Variants in DDX10 observed in about 807,000 individuals in gnomAD.
The protein encoded by DDX10 is probable ATP-dependent RNA helicase DDX10.
A neutral mutation model predicts 104.3 loss-of-function variants in DDX10; 74 were observed. That is an observed-to-expected ratio of 0.71 (90% CI 0.59 to 0.86). The LOEUF (loss-of-function observed/expected upper bound fraction) is 0.86, where lower values mean the gene tolerates loss of function less well. Among genes scored for constraint, DDX10 ranks in the 40% least tolerant of loss-of-function variants. DDX10 has a pLI of 0.00. For synonymous variants in DDX10, 351 were observed against 353.4 expected, an observed-to-expected ratio of 0.99 and a Z score of 0.08; for missense variants, 952 against 1,040.0, an observed-to-expected ratio of 0.92 and a Z score of 1.16.
At chr11:108,812,885 G>A (rs1271338301) in intron 13 of DDX10, among the ~76,000 whole-genome samples, 1 of 147,776 alleles carries the variant, frequency 6.8e-6, no homozygotes, top group Non-Finnish European at 1.5e-5. Flanking sequence ...AGGAGGCTGA[G>A]GCAGGAGAGT....
chr11:108,708,830 A>G (rs117448794), intron 10 of DDX10, among the ~76,000 whole-genome samples: 1,731 of 152,154 alleles, frequency 0.011, 13 homozygotes, highest in Middle Eastern at 0.037. Context: ...GGCCTCCCAA[A>G]TTTGTTCATA....
intron 10 of DDX10, among the ~76,000 whole-genome samples, chr11:108,710,604 T>A (rs903595739): frequency 1.3e-5 from 2 of 152,172 alleles, no homozygotes; most frequent in African/African-American, 2.4e-5. Context: ...CCTTCTTTAG[T>A]ACTTCCTGAG....
At chr11:108,674,477 A>G (rs1452060483) in intron 2 of DDX10, among the ~76,000 whole-genome samples, 1 of 151,890 alleles carries the variant, frequency 6.6e-6, no homozygotes, top group African/African-American at 2.4e-5. Context: ...TTAATTAACT[A>G]TAGCAGTATA....
chr11:108,880,790 C>A (rs941666150), intron 16 of DDX10, among the ~76,000 whole-genome samples: 33 of 152,248 alleles, frequency 2.2e-4, no homozygotes, highest in African/African-American at 7.9e-4. Context: ...TTCCTATTTC[C>A]TTAAGTATGT....
intron 3 of DDX10, among the ~76,000 whole-genome samples, chr11:108,676,518 T>C (rs573101825): frequency 6.6e-6 from 1 of 152,308 alleles, no homozygotes; most frequent in Non-Finnish European, 1.5e-5. Flanking sequence ...CAATCTTGGC[T>C]CACTGCAACC....
chr11:108,837,530 A>G (rs1452576104), intron 13 of DDX10, among the ~76,000 whole-genome samples: 1 of 134,478 alleles, frequency 7.4e-6, no homozygotes, highest in Non-Finnish European at 1.5e-5. Flanking sequence ...ATCTTGCTGT[A>G]GTGGTTTTAG....
chr11:108,770,207 G>A (rs891925027), intron 13 of DDX10, among the ~76,000 whole-genome samples: 2 of 152,170 alleles, frequency 1.3e-5, no homozygotes, highest in African/African-American at 4.8e-5. Flanking sequence ...GAGATGTTTT[G>A]ATACAGGCAT....
chr11:108,827,010 ATGCAT>A (rs1319360118), intron 13 of DDX10, among the ~76,000 whole-genome samples: 1 of 152,260 alleles, frequency 6.6e-6, no homozygotes, highest in Non-Finnish European at 1.5e-5. Context: ...AAATGAAACT[ATGCAT>A]TGTAGAATAT....
At chr11:108,774,399 G>A (rs1464329088) in intron 13 of DDX10, among the ~76,000 whole-genome samples, 2 of 152,278 alleles carry the variant, frequency 1.3e-5, no homozygotes, top group East Asian at 3.9e-4. Context: ...TTATCTTTTT[G>A]TCCTTGGAGG....
chr11:108,905,989 C>T (rs1863591371), intron 16 of DDX10, among the ~76,000 whole-genome samples: 2 of 152,178 alleles, frequency 1.3e-5, no homozygotes, highest in South Asian at 4.1e-4. Flanking sequence ...TATCCGATTA[C>T]CTCCCACAGG....
chr11:108,761,445 C>G (rs1285576257), intron 13 of DDX10, among the ~76,000 whole-genome samples: 3 of 152,030 alleles, frequency 2.0e-5, no homozygotes, highest in African/African-American at 4.8e-5. Flanking sequence ...CTCTAAATGG[C>G]TTTTAAAGAC....
rs572691384 is a variant in DDX10, at chr11:108,721,277, C to G, written c.1499+1392C>G. Among the ~76,000 whole-genome samples, 13 of 152,268 alleles carry G rather than the reference C, an allele frequency of 8.5e-5. No individual in the cohort carries two copies. The South Asian group carries it at 2.7e-3, about 32-fold the overall frequency. On this transcript the variant is annotated intron_variant, in intron 12 of 17. Transcript: ENST00000322536. The stretch of plus-strand genomic sequence containing the variant: ...TAGCAGTGTAGGGCTGCTGACTTTC[C>G]ATTTAAGTGACAGATGGAAAGCCAC...
intron 13 of DDX10, among the ~76,000 whole-genome samples, chr11:108,830,965 G>T (rs1236547835): frequency 2.0e-5 from 3 of 152,002 alleles, no homozygotes; most frequent in Non-Finnish European, 4.4e-5. Context: ...GGTGACTGAG[G>T]CATTATACTT....
At chr11:108,755,532 G>C (rs2094343424) in intron 13 of DDX10, among the ~76,000 whole-genome samples, 1 of 151,936 alleles carries the variant, frequency 6.6e-6, no homozygotes, top group Non-Finnish European at 1.5e-5. Flanking sequence ...GACCATGTGG[G>C]CCATAAAGCC....
intron 15 of DDX10, among the ~76,000 whole-genome samples, chr11:108,842,479 C>CT (rs984581269): frequency 2.6e-5 from 4 of 152,130 alleles, no homozygotes; most frequent in African/African-American, 7.2e-5. Context: ...CCAGTACACA[C>CT]TTTTTTATAA....
chr11:108,783,777 TAGTG>T (rs1861745090), intron 13 of DDX10, among the ~76,000 whole-genome samples: 1 of 152,174 alleles, frequency 6.6e-6, no homozygotes, highest in South Asian at 2.1e-4. Flanking sequence ...TCCTGTCAGA[TAGTG>T]AGCATAGTAC....
intron 16 of DDX10, among the ~76,000 whole-genome samples, chr11:108,860,350 C>T (rs889204342): frequency 6.6e-6 from 1 of 152,058 alleles, no homozygotes; most frequent in Non-Finnish European, 1.5e-5. Flanking sequence ...ATGACATATA[C>T]CACTGTAGAA....
intron 13 of DDX10, among the ~76,000 whole-genome samples, chr11:108,770,019 G>C (rs1307193136): frequency 6.6e-6 from 1 of 152,194 alleles, no homozygotes; most frequent in Non-Finnish European, 1.5e-5. Context: ...GAATACAGCA[G>C]GATTCTAATA....
At chr11:108,679,621 G>T in intron 6 of DDX10, 61 bp downstream of exon 6, 1 of 1,258,906 alleles carries the variant, frequency 7.9e-7, no homozygotes, top group Non-Finnish European at 1.1e-6. Flanking sequence ...TAGGGATTTG[G>T]TATTTTAAAT....
Sources: allele counts gnomAD v4.1 joint callset (sites outside exome capture counted in the v4.1 genomes callset), GRCh38; gene constraint gnomAD v4.1.1; transcripts MANE v1.5; gene names NCBI Gene and HGNC (gene_info 2026-07-23, HGNC 2026-07-21).